RBFOX1: variants seen among roughly 807,000 people sequenced by gnomAD.
RBFOX1 encodes RNA binding protein fox-1 homolog 1.
RBFOX1 carries 8 observed loss-of-function variants against 57.7 expected under a neutral mutation model. The observed-to-expected ratio is 0.14, with a 90% CI of 0.08 to 0.25. The LOEUF (loss-of-function observed/expected upper bound fraction) is 0.25, where lower values mean the gene tolerates loss of function less well. Ranked by LOEUF, RBFOX1 falls within the 10% of genes least tolerant of loss-of-function variation. RBFOX1 has a pLI of 1.00. For missense variants in RBFOX1, 611 were observed against 548.5 expected (o/e 1.11, Z -1.14); for synonymous variants, 326 against 222.4 (o/e 1.47, Z -4.15).
intron 1 of RBFOX1, among the ~76,000 whole-genome samples, chr16:6,161,194 G>C (rs2096875990): frequency 6.6e-6 from 1 of 152,116 alleles, no homozygotes; most frequent in Non-Finnish European, 1.5e-5. Context: ...TTGGAGACCA[G>C]CCTGGCCAAC....
At chr16:6,493,489 A>G (rs77421197) in intron 2 of RBFOX1, among the ~76,000 whole-genome samples, 4,036 of 152,166 alleles carry the variant, frequency 0.027, 186 homozygotes, top group African/African-American at 0.09. Flanking sequence ...ATACAGTACT[A>G]TTATTTTTTT....
intron 2 of RBFOX1, among the ~76,000 whole-genome samples, chr16:6,364,613 A>G (rs945813421): frequency 3.9e-5 from 6 of 152,170 alleles, no homozygotes; most frequent in African/African-American, 1.4e-4. Context: ...ATGGAGACAT[A>G]TGGTCATATA....
chr16:7,045,552 GC>G (rs1484436373), intron 3 of RBFOX1, among the ~76,000 whole-genome samples: 5 of 152,168 alleles, frequency 3.3e-5, no homozygotes, highest in Non-Finnish European at 4.4e-5. Context: ...AGGTCAGTAG[GC>G]CCCCTGGTTC....
At chr16:6,498,448 A>G (rs917803153) in intron 2 of RBFOX1, among the ~76,000 whole-genome samples, 1 of 152,140 alleles carries the variant, frequency 6.6e-6, no homozygotes, top group Non-Finnish European at 1.5e-5. Flanking sequence ...TAGCTTCTAA[A>G]TGCTGTTCAT....
intron 3 of RBFOX1, among the ~76,000 whole-genome samples, chr16:6,962,505 C>G (rs569697750): frequency 3.3e-5 from 5 of 152,150 alleles, no homozygotes; most frequent in Non-Finnish European, 7.3e-5. Context: ...TCCCTGGCAT[C>G]CTTTCTTCTT....
Position 6,259,024 on chromosome 16 carries a change from C to T in RBFOX1, c.-126-57971C>T, listed in dbSNP as rs190713741. Among the ~76,000 whole-genome samples, 9 of 152,326 alleles carry T rather than the reference C, an allele frequency of 5.9e-5. No homozygotes were observed. In the East Asian group the frequency reaches 1.7e-3, roughly 29 times the overall value. On this transcript the variant is annotated intron_variant, in intron 1 of 15. Transcript: ENST00000550418. ...AACAAGATATAGACTTTCTTATGCT[C>T]ACTTTCTAAATCAAAATTGTTATTT... is the stretch of plus-strand genomic sequence containing the variant.
At chr16:6,627,513 C>G (rs982665335) in intron 2 of RBFOX1, among the ~76,000 whole-genome samples, 27 of 152,130 alleles carry the variant, frequency 1.8e-4, no homozygotes, top group Admixed American at 1.2e-3. Context: ...ACAGTCATAA[C>G]ACAGTGGAGG....
At chr16:5,938,991 G>A (rs1057470075) in intron 4 of RBFOX1, among the ~76,000 whole-genome samples, 13 of 152,088 alleles carry the variant, frequency 8.5e-5, no homozygotes, top group Non-Finnish European at 1.9e-4. Context: ...ACTATCGCAA[G>A]GACAAAAAGC....
intron 3 of RBFOX1, among the ~76,000 whole-genome samples, chr16:6,843,287 A>C (rs2093587760): frequency 6.6e-6 from 1 of 152,114 alleles, no homozygotes; most frequent in Admixed American, 6.6e-5. Context: ...GAAGGATGTC[A>C]CACAGAGTGG....
At chr16:6,614,185 G>C (rs544745277) in intron 2 of RBFOX1, among the ~76,000 whole-genome samples, 1 of 152,032 alleles carries the variant, frequency 6.6e-6, no homozygotes, top group Non-Finnish European at 1.5e-5. Flanking sequence ...TTCAGATCTT[G>C]TTTCTTCTAA....
intron 3 of RBFOX1, among the ~76,000 whole-genome samples, chr16:5,834,895 C>A (rs573110626): frequency 2.1e-4 from 32 of 152,288 alleles, no homozygotes; most frequent in African/African-American, 7.0e-4. Flanking sequence ...AATGGTAGAT[C>A]TACTTTCAGA....
chr16:6,484,869 G>A (rs548712779), intron 2 of RBFOX1, among the ~76,000 whole-genome samples: 1 of 152,148 alleles, frequency 6.6e-6, no homozygotes. Context: ...TTCAATTTTG[G>A]TTACACAGAA....
intron 2 of RBFOX1, among the ~76,000 whole-genome samples, chr16:6,542,704 G>A: frequency 6.6e-6 from 1 of 151,770 alleles, no homozygotes; most frequent in African/African-American, 2.4e-5. Flanking sequence ...GTGTTAGCCA[G>A]GATGGTGTTG....
chr16:7,394,235 C>CAAAAAAAAAAAAAAAAAAAAA (rs59934126), intron 4 of RBFOX1, among the ~76,000 whole-genome samples: 12 of 55,024 alleles, frequency 2.2e-4, no homozygotes, highest in African/African-American at 2.5e-4. Flanking sequence ...GACTCCGCAT[C>CAAAAAAAAAAAAAAAAAAAAA]AAAAAAAAAA....
At chr16:6,895,792 C>G (rs551066774) in intron 3 of RBFOX1, among the ~76,000 whole-genome samples, 3 of 152,044 alleles carry the variant, frequency 2.0e-5, no homozygotes, top group African/African-American at 7.2e-5. Context: ...AGCTCTGCCA[C>G]TTCCCGAATG....
intron 6 of RBFOX1, among the ~76,000 whole-genome samples, chr16:7,582,503 A>T (rs1366413717): frequency 6.6e-6 from 1 of 152,166 alleles, no homozygotes; most frequent in African/African-American, 2.4e-5. Flanking sequence ...TTTCCTGCCA[A>T]ACACCGGTGG....
At chr16:7,348,941 C>G (rs896752249) in intron 4 of RBFOX1, among the ~76,000 whole-genome samples, 2 of 151,764 alleles carry the variant, frequency 1.3e-5, no homozygotes, top group Non-Finnish European at 2.9e-5. Flanking sequence ...GACTCCACCT[C>G]AAAGAAAAAA....
chr16:5,304,238 A>C (rs911909247), intron 1 of RBFOX1, among the ~76,000 whole-genome samples: 1 of 152,214 alleles, frequency 6.6e-6, no homozygotes, highest in Non-Finnish European at 1.5e-5. Context: ...CCTGTGCAGT[A>C]GAATTTAAAG....
At position 5,299,582 on chromosome 16, in the gene RBFOX1, C is replaced by G. The variant is rs562004405; in HGVS notation, c.219+59477C>G. Among the ~76,000 whole-genome samples, 18 of 152,272 alleles carry G rather than the reference C, an allele frequency of 1.2e-4. No homozygotes were observed. In the South Asian group the frequency reaches 3.3e-3, roughly 28 times the overall value. ...AGTTCCAATTGTTTCATGTTCTCAC[C>G]AACATCTGCCCTTGCCATTATTTTT... On this transcript the variant is annotated intron_variant, in intron 1 of 2. Transcript: ENST00000585867.
Sources: gnomAD v4.1 joint callset for allele counts (sites outside exome capture counted in the v4.1 genomes callset) on GRCh38, gnomAD v4.1.1 for gene constraint, MANE v1.5 for transcripts, NCBI Gene and HGNC (gene_info 2026-07-23, HGNC 2026-07-21) for gene names.